The following RBL1 variants were observed in gnomAD, a reference collection of about 807,000 sequenced individuals.
RBL1 encodes RB transcriptional corepressor like 1.
Under a neutral mutation model 123.0 loss-of-function variants are expected in RBL1, and 82 were observed. The ratio of observed to expected loss-of-function variants is 0.67; its 90% CI spans 0.56 to 0.80. The LOEUF is 0.80. Ranked by LOEUF, RBL1 falls within the 30% of genes least tolerant of loss-of-function variation. RBL1 has a pLI of 0.00. For missense variants in RBL1, 1,171 were observed against 1,299.6 expected (o/e 0.90, Z 1.52); for synonymous variants, 405 against 441.3 (o/e 0.92, Z 1.03).
intron 13 of RBL1, among the ~76,000 whole-genome samples, chr20:37,042,054 C>T (rs1167552623): frequency 2.1e-5 from 2 of 97,126 alleles, no homozygotes; most frequent in African/African-American, 7.8e-5. Context: ...GCCTGGGCAA[C>T]AGAGCAAGAC....
At chr20:37,007,218 T>C (rs1357937627) in intron 20 of RBL1, among the ~76,000 whole-genome samples, 193 bp downstream of exon 20, 1 of 152,110 alleles carries the variant, frequency 6.6e-6, no homozygotes, top group Non-Finnish European at 1.5e-5. Context: ...CACTGCACTC[T>C]AGCCTGGGCA....
intron 1 of RBL1, among the ~76,000 whole-genome samples, chr20:37,092,101 G>T (rs144423783): frequency 3.0e-3 from 452 of 152,108 alleles, no homozygotes; most frequent in Middle Eastern, 6.8e-3. Context: ...AAATTAGCAG[G>T]ACGTGGTGGT....
chr20:37,040,076 A>G, intron 14 of RBL1, 77 bp downstream of exon 14: 1 of 1,581,400 alleles, frequency 6.3e-7, no homozygotes, highest in Non-Finnish European at 8.6e-7. Flanking sequence ...ACATACTCAC[A>G]AGACTTAAAA....
At chr20:37,031,092 T>C (rs1235357306) in intron 16 of RBL1, among the ~76,000 whole-genome samples, 6 of 151,930 alleles carry the variant, frequency 3.9e-5, no homozygotes, top group Non-Finnish European at 8.8e-5. Flanking sequence ...ACTATAAAAC[T>C]CTTAGACGAA....
At chr20:37,040,351 T>C (rs1360896357) in intron 13 of RBL1, 66 bp from the exon 14 acceptor site, 2 of 1,567,302 alleles carry the variant, frequency 1.3e-6, no homozygotes, top group East Asian at 4.6e-5. Flanking sequence ...TTATTAAAAA[T>C]GTTTTCTTTT....
intron 19 of RBL1, among the ~76,000 whole-genome samples, chr20:37,017,671 G>T (rs1406672159): frequency 8.7e-6 from 1 of 114,920 alleles, no homozygotes; most frequent in Non-Finnish European, 1.8e-5. Flanking sequence ...TCACTTTGCC[G>T]CCAGGCTGGA....
At chr20:37,076,459 G>A (rs1345452566) in intron 2 of RBL1, among the ~76,000 whole-genome samples, 1 of 151,976 alleles carries the variant, frequency 6.6e-6, no homozygotes, top group Non-Finnish European at 1.5e-5. Flanking sequence ...TAACTGAGAG[G>A]GCCACTAAGT....
In RBL1 at chr20:37,022,840, T is replaced by TTG. The variant is rs754804135; in HGVS notation, c.2383-15_2383-14insCA. On this transcript the variant is annotated splice_polypyrimidine_tract_variant and intron_variant, in intron 16 of 21. Transcript: ENST00000373664. ...CAAATGATAGACCTAAAATAGAAGG[T>TTG]AACACATTGATGCAAAACACCAAGT... 5.7e-6 allele frequency: 9 copies of TTG among 1,586,686 alleles called. No homozygotes were observed. Among genetic ancestry groups the TTG allele is most frequent in the Admixed American group, 5.3e-5 (3 of 56,310 alleles).
chr20:37,046,309 ACTAGTT>A (rs1421112039), intron 12 of RBL1, among the ~76,000 whole-genome samples: 1 of 152,262 alleles, frequency 6.6e-6, no homozygotes, highest in African/African-American at 2.4e-5. Context: ...GAAGTTAAGT[ACTAGTT>A]CCAGGTCACA....
intron 11 of RBL1, chr20:37,049,770 G>T: frequency 1.9e-6 from 1 of 515,672 alleles, no homozygotes; most frequent in Non-Finnish European, 3.4e-6. Flanking sequence ...ATTTTTTAGA[G>T]AGAGAAAAAA....
chr20:37,061,744 G>C (rs748947691), intron 8 of RBL1, among the ~76,000 whole-genome samples: 11 of 152,134 alleles, frequency 7.2e-5, no homozygotes, highest in Non-Finnish European at 1.5e-4. Flanking sequence ...TTGTGTCACG[G>C]GTAGGAAAGC....
rs370170014 is a variant in RBL1, at chr20:37,089,149, A to G, written c.157-27T>C. On this transcript the variant is annotated intron_variant, in intron 1 of 21. Coordinates refer to ENST00000373664, the MANE Select transcript of RBL1 (RefSeq NM_002895.5). ...TGGCAAGCAAAAGACAAACAGCAAAACAGGTATAATATTATGTTAAAATGC... is the reference window on the plus strand; with the variant it reads ...TGGCAAGCAAAAGACAAACAGCAAAGCAGGTATAATATTATGTTAAAATGC... 3.0e-5 allele frequency: 48 copies of G among 1,573,896 alleles called. No individual in the cohort carries two copies. In the African/African-American group the frequency reaches 6.1e-4, roughly 20 times the overall value.
chr20:37,023,613 G>A (rs138297177), intron 16 of RBL1, among the ~76,000 whole-genome samples: 38 of 151,888 alleles, frequency 2.5e-4, no homozygotes, highest in African/African-American at 8.4e-4. Context: ...GAACGAAACA[G>A]GAATGTTAAA....
chr20:37,023,326 T>G (rs1038899180), intron 16 of RBL1, among the ~76,000 whole-genome samples: 8 of 152,140 alleles, frequency 5.3e-5, no homozygotes, highest in African/African-American at 1.9e-4. Flanking sequence ...CTTCATCATG[T>G]TGGCCAGGCT....
At chr20:37,022,534 C>G in intron 17 of RBL1, 116 bp downstream of exon 17, 1 of 944,868 alleles carries the variant, frequency 1.1e-6, no homozygotes, top group Non-Finnish European at 1.5e-6. Flanking sequence ...ACCATGTTGC[C>G]CAAGCTGGTC....
chr20:37,062,982 C>CA (rs1216485232), intron 7 of RBL1, among the ~76,000 whole-genome samples: 190 of 148,364 alleles, frequency 1.3e-3, no homozygotes, highest in Admixed American at 2.1e-3. Context: ...ACTCCGTCTC[C>CA]AAAAAAAAAT....
At chr20:37,094,460 C>T (rs914826545) in intron 1 of RBL1, among the ~76,000 whole-genome samples, 4 of 152,284 alleles carry the variant, frequency 2.6e-5, no homozygotes, top group African/African-American at 9.6e-5. Flanking sequence ...ACAATCGACA[C>T]TTTTCCAACT....
chr20:37,084,666 C>T (rs1204585129), intron 2 of RBL1, among the ~76,000 whole-genome samples: 2 of 151,818 alleles, frequency 1.3e-5, no homozygotes, highest in Non-Finnish European at 2.9e-5. Flanking sequence ...CCACTACACT[C>T]CATCCTGAGT....
intron 20 of RBL1, among the ~76,000 whole-genome samples, chr20:37,004,545 T>C (rs1433993062): frequency 1.3e-5 from 2 of 149,252 alleles, no homozygotes; most frequent in East Asian, 4.0e-4. Context: ...AAACTCCGTC[T>C]CCACTAAAAA....
Sources: gnomAD v4.1 joint callset for allele counts (sites outside exome capture counted in the v4.1 genomes callset) on GRCh38, gnomAD v4.1.1 for gene constraint, MANE v1.5 for transcripts, NCBI Gene and HGNC (gene_info 2026-07-23, HGNC 2026-07-21) for gene names.